CPSF7: variants seen among roughly 807,000 people sequenced by gnomAD.
The protein encoded by CPSF7 is cleavage and polyadenylation specificity factor subunit 7.
Under a neutral mutation model 44.3 loss-of-function variants are expected in CPSF7, and 1 was observed. The ratio of observed to expected loss-of-function variants is 0.02; its 90% CI spans 0.01 to 0.11. The LOEUF is 0.11. Among genes scored for constraint, CPSF7 ranks in the 10% least tolerant of loss-of-function variants. CPSF7 has a pLI of 1.00. For missense variants in CPSF7, 443 were observed against 607.2 expected (o/e 0.73, Z 2.84); for synonymous variants, 202 against 222.0 (o/e 0.91, Z 0.80).
chr11:61,411,212 T>G, intron 8 of CPSF7, 107 bp from the exon 9 acceptor site: 1 of 1,137,810 alleles, frequency 8.8e-7, no homozygotes, highest in Non-Finnish European at 1.2e-6. Context: ...CCTCTATTAC[T>G]CTATCATGGG....
chr11:61,411,282 A>G (rs567707207), intron 8 of CPSF7, among the ~76,000 whole-genome samples, 177 bp from the exon 9 acceptor site: 1 of 152,314 alleles, frequency 6.6e-6, no homozygotes, highest in African/African-American at 2.4e-5. Flanking sequence ...GATGATTAAC[A>G]GGTAAATTTA....
chr11:61,427,427 G>A (rs1314976537), intron 2 of CPSF7: 2 of 152,062 alleles, frequency 1.3e-5, no homozygotes, highest in African/African-American at 2.4e-5. Context: ...GGCTAAGGCG[G>A]GCGGATCACA....
Position 61,415,823 on chromosome 11 carries a change from C to T in CPSF7, c.939-39G>A, listed in dbSNP as rs761664287. On this transcript the variant is annotated intron_variant, in intron 6 of 9. Coordinates refer to ENST00000439958, the MANE Select transcript of CPSF7 (RefSeq NM_001142565.3). ...ATACCATCCTTGATTGCTCACATCC[C>T]TTATTATTTTTACTGTACTCTACAA... 8.6e-6 allele frequency: 12 copies of T among 1,390,762 alleles called. No individual in the cohort carries two copies. The East Asian group carries it at 1.6e-4, about 19-fold the overall frequency. 86.2% of individuals were successfully genotyped at this position (1,390,762 alleles called of 1,614,324 possible).
chr11:61,419,003 C>A (rs962178489), intron 5 of CPSF7, among the ~76,000 whole-genome samples: 1 of 151,892 alleles, frequency 6.6e-6, no homozygotes, highest in Non-Finnish European at 1.5e-5. Context: ...CAGGTGTGAG[C>A]CACCATGCCC....
intron 7 of CPSF7, 114 bp from the exon 8 acceptor site, chr11:61,412,051 C>T (rs555875673): frequency 2.0e-5 from 17 of 857,892 alleles, no homozygotes; most frequent in South Asian, 8.1e-5. Context: ...CCCAAACAAC[C>T]GCGGTAAAAG....
At chr11:61,409,300 C>T (rs571998952) in intron 9 of CPSF7, among the ~76,000 whole-genome samples, 2 of 151,990 alleles carry the variant, frequency 1.3e-5, no homozygotes, top group Non-Finnish European at 2.9e-5. Flanking sequence ...GATGAAACCC[C>T]GTCTCTACTG....
chr11:61,424,370 T>C (rs1715982786), intron 2 of CPSF7, among the ~76,000 whole-genome samples: 1 of 152,256 alleles, frequency 6.6e-6, no homozygotes, highest in African/African-American at 2.4e-5. Flanking sequence ...GTTGCTCCTG[T>C]GGTTCAAGGT....
At chr11:61,429,528 G>C in intron 1 of CPSF7, 11 of 555,908 alleles carry the variant, frequency 2.0e-5, no homozygotes, top group South Asian at 5.0e-5. Flanking sequence ...CGCCGCAGCT[G>C]CCTATGGCGC....
At chr11:61,409,150 A>G (rs1295777379) in intron 9 of CPSF7, among the ~76,000 whole-genome samples, 1 of 152,002 alleles carries the variant, frequency 6.6e-6, no homozygotes, top group African/African-American at 2.4e-5. Flanking sequence ...GTGTCTATTA[A>G]AAAAACAAAA....
At chr11:61,424,680 G>A (rs577153781) in intron 2 of CPSF7, among the ~76,000 whole-genome samples, 8 of 152,206 alleles carry the variant, frequency 5.3e-5, no homozygotes, top group South Asian at 4.1e-4. Flanking sequence ...CTCTAACTCC[G>A]GACCTCAGGT....
intron 1 of CPSF7, chr11:61,429,631 C>T: frequency 9.2e-7 from 1 of 1,089,442 alleles, no homozygotes. Context: ...TCCGCTGCAC[C>T]TGCCTAGCCC....
chr11:61,411,227 C>A, intron 8 of CPSF7, 122 bp from the exon 9 acceptor site: 1 of 972,314 alleles, frequency 1.0e-6, no homozygotes, highest in Non-Finnish European at 1.5e-6. Flanking sequence ...CATGGGCCTG[C>A]TGTCTGAGGA....
intron 7 of CPSF7, among the ~76,000 whole-genome samples, chr11:61,413,407 G>A (rs1010861484): frequency 4.6e-5 from 7 of 151,954 alleles, no homozygotes; most frequent in African/African-American, 9.7e-5. Context: ...CGAGGTGGGC[G>A]GATCACTTGA....
At position 61,421,408 on chromosome 11, in the gene CPSF7, A is replaced by G; in HGVS notation, c.255T>C (p.Tyr85=). 6.2e-7 allele frequency: 1 copy of G among 1,614,050 alleles called. No homozygotes were observed. Residue 85 remains tyrosine (Y), a synonymous_variant, in exon 3 of 10, where the codon TAT becomes TAC. Coordinates refer to ENST00000439958, the MANE Select transcript of CPSF7 (RefSeq NM_001142565.3). ...SGLRNRRAAV[Y]VGSFSWWTTD... is the part of the protein sequence containing the mutation. ...CACTCACCCAGGAGAAGCTGCCCAC[A>G]TAAACGGCAGCTCGTCTATTACGCA...
At chr11:61,422,770 TCTTA>T (rs1861002143) in intron 2 of CPSF7, among the ~76,000 whole-genome samples, 2 of 152,188 alleles carry the variant, frequency 1.3e-5, no homozygotes, top group South Asian at 4.1e-4. Flanking sequence ...CTATGTGATA[TCTTA>T]CTTACTATAT....
intron 2 of CPSF7, among the ~76,000 whole-genome samples, chr11:61,424,021 C>T (rs991528171): frequency 4.6e-5 from 7 of 152,102 alleles, no homozygotes; most frequent in Non-Finnish European, 8.8e-5. Flanking sequence ...CTTGTAAAAA[C>T]GTTAGAAAAA....
chr11:61,419,169 T>A (rs1377993772), intron 5 of CPSF7, among the ~76,000 whole-genome samples: 1 of 152,012 alleles, frequency 6.6e-6, no homozygotes, highest in Non-Finnish European at 1.5e-5. Context: ...ATTACAGGCA[T>A]GTGTCACCCA....
rs1859125913 is a variant in CPSF7, at chr11:61,404,443, G to C, written c.*267C>G. The stretch of plus-strand genomic sequence containing the variant: ...CATTCTCTATGGAGACCAGGGGCCT[G>C]GACATGTTTTCTTCCTGTCTGCCAC... On this transcript the variant is annotated 3_prime_UTR_variant, in exon 10 of 10. Transcript: ENST00000439958. 6.5e-6 allele frequency: 1 copy of C among 152,672 alleles called. No individual in the cohort carries two copies. Among genetic ancestry groups the C allele is most frequent in the South Asian group, 2.1e-4 (1 of 4,826 alleles). 9.5% of individuals were successfully genotyped at this position (152,672 alleles called of 1,614,324 possible). A position where few individuals can be genotyped will look rare whatever the true frequency, so the allele number is the denominator to read the frequency against.
chr11:61,414,373 C>A (rs774944188), intron 7 of CPSF7, among the ~76,000 whole-genome samples: 4 of 152,052 alleles, frequency 2.6e-5, no homozygotes, highest in Admixed American at 2.0e-4. Context: ...GTCTCAAACT[C>A]CTGACCTCAA....
Sources: gnomAD v4.1 joint callset for allele counts (sites outside exome capture counted in the v4.1 genomes callset) on GRCh38, gnomAD v4.1.1 for gene constraint, MANE v1.5 for transcripts, NCBI Gene and HGNC (gene_info 2026-07-23, HGNC 2026-07-21) for gene names.